The following PLXNA4 variants were observed in gnomAD, a reference collection of about 807,000 sequenced individuals.
PLXNA4 encodes the protein plexin-A4.
In PLXNA4, 44 loss-of-function variants were observed where a neutral mutation model predicts 191.8. That is an observed-to-expected ratio of 0.23 (90% CI 0.18 to 0.29). The LOEUF (loss-of-function observed/expected upper bound fraction) is 0.29. Ranked by LOEUF, PLXNA4 falls within the 10% of genes least tolerant of loss-of-function variation. The pLI is 1.00. For synonymous variants in PLXNA4, 1,082 were observed against 1,009.5 expected (o/e 1.07, Z -1.36); for missense variants, 1,800 against 2,488.8 (o/e 0.72, Z 5.89).
chr7:132,574,666 T>C (rs1802142192), intron 1 of PLXNA4, among the ~76,000 whole-genome samples: 1 of 152,194 alleles, frequency 6.6e-6, no homozygotes, highest in Non-Finnish European at 1.5e-5. Flanking sequence ...ATCTATGCTT[T>C]TCAATCAATC....
intron 3 of PLXNA4, among the ~76,000 whole-genome samples, chr7:132,312,629 C>T (rs11773243): frequency 0.067 from 10,224 of 152,244 alleles, 473 homozygotes; most frequent in African/African-American, 0.12. Context: ...ATTAATAATG[C>T]AGTGATTGAA....
At chr7:132,621,225 T>C (rs1803254162) in intron 2 of PLXNA4, among the ~76,000 whole-genome samples, 2 of 151,910 alleles carry the variant, frequency 1.3e-5, no homozygotes, top group African/African-American at 4.8e-5. Context: ...TAGGTGATTT[T>C]TAATCTCTTG....
intron 3 of PLXNA4, among the ~76,000 whole-genome samples, chr7:132,468,716 C>T (rs929501111): frequency 2.0e-5 from 3 of 150,564 alleles, no homozygotes; most frequent in Non-Finnish European, 4.4e-5. Context: ...CTCCCTTCAA[C>T]ACACACAATA....
chr7:132,152,536 C>G (rs539988463), intron 25 of PLXNA4, among the ~76,000 whole-genome samples: 33 of 152,254 alleles, frequency 2.2e-4, no homozygotes, highest in African/African-American at 7.7e-4. Flanking sequence ...CTCTTTTCAC[C>G]AGATGGGCTC....
At chr7:132,428,024 G>A (rs1216442764) in intron 3 of PLXNA4, among the ~76,000 whole-genome samples, 1 of 152,176 alleles carries the variant, frequency 6.6e-6, no homozygotes, top group African/African-American at 2.4e-5. Context: ...GTGAGACGAG[G>A]CATGGGGGAG....
intron 5 of PLXNA4, among the ~76,000 whole-genome samples, chr7:132,236,401 T>G (rs1021594338): frequency 9.2e-5 from 14 of 152,188 alleles, no homozygotes; most frequent in Non-Finnish European, 1.5e-5. Context: ...CAAAAGTGAC[T>G]GAGAAAATGG....
At chr7:132,182,328 C>T in intron 16 of PLXNA4, 138 bp from the exon 17 acceptor site, 2 of 1,386,434 alleles carry the variant, frequency 1.4e-6, no homozygotes, top group South Asian at 2.9e-5. Flanking sequence ...ACAAGGATGA[C>T]AAGCTGACTG....
intron 4 of PLXNA4, among the ~76,000 whole-genome samples, chr7:132,288,322 C>T (rs922501783): frequency 1.3e-5 from 2 of 152,192 alleles, no homozygotes; most frequent in African/African-American, 2.4e-5. Flanking sequence ...AGGGAAGTCA[C>T]TTCCCCTCTG....
chr7:132,506,575 T>C (rs1295408735), intron 2 of PLXNA4, among the ~76,000 whole-genome samples: 1 of 152,130 alleles, frequency 6.6e-6, no homozygotes, highest in African/African-American at 2.4e-5. Flanking sequence ...CAAAGAATGA[T>C]AGTGAAAAAG....
At chr7:132,209,912 T>G (rs1251428262) in intron 10 of PLXNA4, among the ~76,000 whole-genome samples, 1 of 152,208 alleles carries the variant, frequency 6.6e-6, no homozygotes, top group Non-Finnish European at 1.5e-5. Context: ...TTCTGGCACA[T>G]TTTGGGGTGC....
At chr7:132,285,070 C>A (rs1379066937) in intron 4 of PLXNA4, among the ~76,000 whole-genome samples, 1 of 152,136 alleles carries the variant, frequency 6.6e-6, no homozygotes, top group Non-Finnish European at 1.5e-5. Context: ...CACCAGCATA[C>A]TGAAAATCAT....
chr7:132,167,827 G>C (rs1796165038), intron 22 of PLXNA4, among the ~76,000 whole-genome samples: 1 of 152,218 alleles, frequency 6.6e-6, no homozygotes, highest in South Asian at 2.1e-4. Flanking sequence ...GGGATCACAG[G>C]CATGAGCCAC....
At chr7:132,633,634 G>A (rs527246980) in intron 2 of PLXNA4, among the ~76,000 whole-genome samples, 15 of 152,260 alleles carry the variant, frequency 9.9e-5, no homozygotes, top group East Asian at 5.8e-4. Context: ...GTGTCATCAA[G>A]GATATATTCA....
chr7:132,588,523 C>T (rs1201088113), intron 2 of PLXNA4, among the ~76,000 whole-genome samples: 1 of 152,008 alleles, frequency 6.6e-6, no homozygotes, highest in African/African-American at 2.4e-5. Flanking sequence ...ATTTTCCTCC[C>T]TGGTGGCTTT....
chr7:132,280,464 G>C (rs1327081431), intron 4 of PLXNA4, among the ~76,000 whole-genome samples: 2 of 152,150 alleles, frequency 1.3e-5, no homozygotes, highest in Non-Finnish European at 2.9e-5. Flanking sequence ...TAGTCATTCT[G>C]GCCATATTTA....
intron 30 of PLXNA4, among the ~76,000 whole-genome samples, chr7:132,136,275 C>A (rs190990530): frequency 1.3e-5 from 2 of 152,346 alleles, no homozygotes; most frequent in Non-Finnish European, 2.9e-5. Context: ...CAATTAGGCT[C>A]TGTTAAGGAA....
intron 2 of PLXNA4, among the ~76,000 whole-genome samples, chr7:132,499,068 AG>A (rs1482769115): frequency 6.6e-6 from 1 of 152,244 alleles, no homozygotes; most frequent in African/African-American, 2.4e-5. Context: ...TCCCTGGAGA[AG>A]GGCATTAAGC....
chr7:132,434,047 G>T (rs1372907806), intron 3 of PLXNA4, among the ~76,000 whole-genome samples: 1 of 152,194 alleles, frequency 6.6e-6, no homozygotes. Context: ...TCCAAGCTGG[G>T]TCTTGAAACC....
intron 3 of PLXNA4, among the ~76,000 whole-genome samples, chr7:132,417,201 G>A (rs903584245): frequency 3.9e-5 from 6 of 152,096 alleles, no homozygotes; most frequent in African/African-American, 1.2e-4. Context: ...CACTTACCAC[G>A]GACCAGGGCT....
Sources: allele counts gnomAD v4.1 joint callset (sites outside exome capture counted in the v4.1 genomes callset), GRCh38; gene constraint gnomAD v4.1.1; transcripts MANE v1.5; gene names NCBI Gene and HGNC (gene_info 2026-07-23, HGNC 2026-07-21).